Variants in GRID2 observed in about 807,000 individuals in gnomAD.
GRID2 encodes glutamate receptor ionotropic, delta-2.
A neutral mutation model predicts 114.8 loss-of-function variants in GRID2; 33 were observed. That is an observed-to-expected ratio of 0.29 (90% CI 0.22 to 0.38). The LOEUF is 0.38. GRID2 is among the 10% of genes least tolerant of loss of function. The pLI, the probability that GRID2 is intolerant of heterozygous loss-of-function variation, is 1.00. For missense variants in GRID2, 1,184 were observed against 1,257.7 expected, an observed-to-expected ratio of 0.94 and a Z score of 0.89; for synonymous variants, 505 against 449.9, an observed-to-expected ratio of 1.12 and a Z score of -1.55.
chr4:93,232,515 C>A (rs536093450), intron 7 of GRID2, among the ~76,000 whole-genome samples: 2 of 148,336 alleles, frequency 1.3e-5, no homozygotes, highest in African/African-American at 5.0e-5. Flanking sequence ...AATATGATAT[C>A]TGATAGAGTT....
At chr4:93,684,716 C>T (rs6821896) in intron 14 of GRID2, among the ~76,000 whole-genome samples, 57,967 of 151,712 alleles carry the variant, frequency 0.38, 13,289 homozygotes, top group African/African-American at 0.65. Context: ...TCAGATATCA[C>T]GTGGGGAGTG....
chr4:93,008,583 T>C (rs1721803546), intron 2 of GRID2, among the ~76,000 whole-genome samples: 1 of 152,108 alleles, frequency 6.6e-6, no homozygotes, highest in South Asian at 2.1e-4. Context: ...TTTTTTGTTG[T>C]TGCTTGCGTG....
intron 13 of GRID2, among the ~76,000 whole-genome samples, chr4:93,578,023 G>C (rs1409131768): frequency 6.6e-6 from 1 of 152,130 alleles, no homozygotes; most frequent in African/African-American, 2.4e-5. Flanking sequence ...TTGCTCTCTG[G>C]ATGTGTGTGC....
chr4:92,701,587 T>C (rs1467660686), intron 2 of GRID2, among the ~76,000 whole-genome samples: 1 of 152,154 alleles, frequency 6.6e-6, no homozygotes, highest in Non-Finnish European at 1.5e-5. Context: ...TTAAAAGTGT[T>C]CTATCTACGA....
In GRID2 at chr4:93,527,121, A is replaced by C. The variant is rs79582854; in HGVS notation, c.2193+11710A>C. 2.0e-4 allele frequency among the ~76,000 whole-genome samples: 31 copies of C among 152,258 alleles called. No homozygotes were observed. In the East Asian group the frequency reaches 4.6e-3, roughly 23 times the overall value. On this transcript the variant is annotated intron_variant, in intron 13 of 15. Transcript: ENST00000282020. ...TTCTGATTTATGTGTTCAGTGTTCTACAATTTTCTCCTTCTCAACTGCTAA... is the reference window on the plus strand; with the variant it reads ...TTCTGATTTATGTGTTCAGTGTTCTCCAATTTTCTCCTTCTCAACTGCTAA...
chr4:93,203,072 A>G (rs1470320474), intron 4 of GRID2, among the ~76,000 whole-genome samples: 3 of 152,054 alleles, frequency 2.0e-5, no homozygotes, highest in Non-Finnish European at 4.4e-5. Flanking sequence ...ATTCCATTTT[A>G]TCTTTTTATT....
intron 14 of GRID2, among the ~76,000 whole-genome samples, chr4:93,677,083 C>T (rs913298494): frequency 3.9e-5 from 6 of 152,308 alleles, no homozygotes; most frequent in South Asian, 2.1e-4. Flanking sequence ...CCAAATACTG[C>T]GCTTTCCCTA....
chr4:92,852,019 C>T (rs1304198912), intron 2 of GRID2, among the ~76,000 whole-genome samples: 1 of 151,772 alleles, frequency 6.6e-6, no homozygotes, highest in Non-Finnish European at 1.5e-5. Context: ...TAGGTCTGTG[C>T]AGAAGGGGAA....
chr4:92,989,526 A>T (rs1487498462), intron 2 of GRID2, among the ~76,000 whole-genome samples: 2 of 151,492 alleles, frequency 1.3e-5, no homozygotes, highest in South Asian at 2.1e-4. Flanking sequence ...GCATCCCAAT[A>T]AAAAAAAGGT....
intron 14 of GRID2, among the ~76,000 whole-genome samples, chr4:93,657,352 G>A (rs189070238): frequency 3.3e-5 from 5 of 152,054 alleles, no homozygotes; most frequent in Admixed American, 3.3e-4. Context: ...TAACAAATAA[G>A]GAGTGAATAC....
intron 12 of GRID2, among the ~76,000 whole-genome samples, chr4:93,507,361 T>C (rs895290075): frequency 1.1e-4 from 17 of 152,358 alleles, no homozygotes; most frequent in African/African-American, 3.1e-4. Flanking sequence ...GGCTACGCCG[T>C]AAATAGGAAG....
At chr4:93,717,170 G>A (rs1728971587) in intron 14 of GRID2, among the ~76,000 whole-genome samples, 1 of 152,076 alleles carries the variant, frequency 6.6e-6, no homozygotes, top group African/African-American at 2.4e-5. Flanking sequence ...TTCATTCCGT[G>A]TTTGCCATAT....
At chr4:93,692,166 G>T (rs1335037459) in intron 14 of GRID2, among the ~76,000 whole-genome samples, 2 of 152,046 alleles carry the variant, frequency 1.3e-5, no homozygotes, top group Non-Finnish European at 2.9e-5. Context: ...AGTGATAGCT[G>T]CTAAGGAGAA....
chr4:93,582,288 C>T (rs569385774), intron 13 of GRID2, among the ~76,000 whole-genome samples: 1 of 152,246 alleles, frequency 6.6e-6, no homozygotes, highest in Admixed American at 6.5e-5. Flanking sequence ...CTGTCTCTGA[C>T]CCTCCTGACT....
intron 1 of GRID2, among the ~76,000 whole-genome samples, chr4:92,496,501 A>G (rs1450153907): frequency 6.6e-6 from 1 of 151,882 alleles, no homozygotes; most frequent in Non-Finnish European, 1.5e-5. Context: ...AATCATCACT[A>G]AAACTGTAAC....
chr4:93,048,619 T>A (rs541938838), intron 2 of GRID2, among the ~76,000 whole-genome samples: 55 of 152,236 alleles, frequency 3.6e-4, no homozygotes, highest in South Asian at 1.4e-3. Flanking sequence ...AAAGTAAAGC[T>A]GCAGAAAATG....
intron 2 of GRID2, among the ~76,000 whole-genome samples, chr4:92,594,717 T>G (rs1285879894): frequency 6.6e-6 from 1 of 152,012 alleles, no homozygotes; most frequent in African/African-American, 2.4e-5. Context: ...TAGCTGTTCA[T>G]AGGTTACTCT....
chr4:93,737,562 A>G (rs917080903), intron 14 of GRID2, among the ~76,000 whole-genome samples: 2 of 152,042 alleles, frequency 1.3e-5, no homozygotes, highest in African/African-American at 2.4e-5. Flanking sequence ...CTGTCTCTAT[A>G]AAAAATTAAA....
intron 8 of GRID2, among the ~76,000 whole-genome samples, chr4:93,244,684 T>C (rs1747999937): frequency 6.7e-6 from 1 of 148,350 alleles, no homozygotes; most frequent in Non-Finnish European, 1.5e-5. Flanking sequence ...GATTATGTAA[T>C]CTATTAAAAA....
Sources: allele counts gnomAD v4.1 joint callset (sites outside exome capture counted in the v4.1 genomes callset), GRCh38; gene constraint gnomAD v4.1.1; transcripts MANE v1.5; gene names NCBI Gene and HGNC (gene_info 2026-07-23, HGNC 2026-07-21).